SSBP3: variants seen among roughly 807,000 people sequenced by gnomAD.
SSBP3 encodes the protein single-stranded DNA-binding protein 3.
Under a neutral mutation model 69.6 loss-of-function variants are expected in SSBP3, and 5 were observed. The observed-to-expected ratio is 0.07, with a 90% CI of 0.04 to 0.15. SSBP3 has a LOEUF of 0.15. SSBP3 is among the 10% of genes least tolerant of loss of function. SSBP3 has a pLI of 1.00. For missense variants in SSBP3, 312 were observed against 534.0 expected, an observed-to-expected ratio of 0.58 and a Z score of 4.10; for synonymous variants, 196 against 193.4, an observed-to-expected ratio of 1.01 and a Z score of -0.11.
chr1:54,238,218 G>T (rs1447961982), intron 14 of SSBP3: 3 of 471,096 alleles, frequency 6.4e-6, no homozygotes, highest in Non-Finnish European at 8.8e-6. Flanking sequence ...TTAACACGTG[G>T]GGTGATCCGG....
chr1:54,228,909 T>G (rs2100550484), intron 14 of SSBP3, 83 bp from the exon 15 acceptor site: 1 of 1,427,760 alleles, frequency 7.0e-7, no homozygotes, highest in Non-Finnish European at 9.7e-7. Context: ...CAGCCACGCT[T>G]GAGTCCTGGC....
At chr1:54,281,295 G>T in intron 5 of SSBP3, 143 bp downstream of exon 5, 1 of 658,620 alleles carries the variant, frequency 1.5e-6, no homozygotes, top group Non-Finnish European at 2.6e-6. Context: ...GGGATGGGAA[G>T]GGAAGGATTT....
chr1:54,225,804 G>C lies in SSBP3; in HGVS notation c.*1327C>G, dbSNP rs899720990. 3.9e-5 allele frequency: 6 copies of C among 153,504 alleles called. 1 individual carries two copies. Among genetic ancestry groups the C allele is most frequent in the Non-Finnish European group, 7.2e-5 (5 of 69,016 alleles). 9.5% of individuals were successfully genotyped at this position (153,504 alleles called of 1,614,324 possible). A position where few individuals can be genotyped will look rare whatever the true frequency, so the allele number is the denominator to read the frequency against. On this transcript the variant is annotated 3_prime_UTR_variant, in exon 18 of 18. Transcript: ENST00000610401. ...ATGAGCACCCTCCCGGGAGGGGACA[G>C]GCTCCACTGTCGGGCTTGTTGGTTT...
intron 4 of SSBP3, among the ~76,000 whole-genome samples, chr1:54,299,069 C>T (rs890535261): frequency 3.3e-5 from 5 of 151,976 alleles, no homozygotes; most frequent in Non-Finnish European, 7.4e-5. Context: ...ACTGAGGGTT[C>T]GTGCTTGGTT....
At chr1:54,383,645 GTT>G in intron 4 of SSBP3, among the ~76,000 whole-genome samples, 1 of 152,146 alleles carries the variant, frequency 6.6e-6, no homozygotes, top group Non-Finnish European at 1.5e-5. Flanking sequence ...ATTACAGGGT[GTT>G]CAATAATAAA....
intron 4 of SSBP3, among the ~76,000 whole-genome samples, chr1:54,305,986 T>C (rs983812905): frequency 2.0e-5 from 3 of 151,576 alleles, no homozygotes; most frequent in Admixed American, 6.6e-5. Flanking sequence ...ACTACTAACT[T>C]TGAGGGTCCA....
At chr1:54,298,608 T>A (rs1215231079) in intron 4 of SSBP3, among the ~76,000 whole-genome samples, 5 of 152,184 alleles carry the variant, frequency 3.3e-5, no homozygotes, top group African/African-American at 1.2e-4. Flanking sequence ...AGAGCTCTAC[T>A]TCATTCAGAT....
intron 14 of SSBP3, among the ~76,000 whole-genome samples, chr1:54,233,924 A>T (rs1178193464): frequency 6.6e-6 from 1 of 152,242 alleles, no homozygotes; most frequent in Non-Finnish European, 1.5e-5. Context: ...AAAGGTGGGG[A>T]AAAGATTGAG....
chr1:54,233,312 ACCCCGTCTGGGAGGTGAGGAGCG>A (rs1644417416), intron 14 of SSBP3, among the ~76,000 whole-genome samples: 1 of 102,870 alleles, frequency 9.7e-6, no homozygotes, highest in Non-Finnish European at 2.0e-5. Flanking sequence ...CCCGGCCGCG[ACCCCGTCTGGGAGGTGAGGAGCG>A]TCTCTGCCCG....
chr1:54,255,167 G>GT (rs1203581168), intron 7 of SSBP3, among the ~76,000 whole-genome samples: 1 of 140,786 alleles, frequency 7.1e-6, no homozygotes, highest in East Asian at 2.4e-4. Context: ...GCGGGGGGGG[G>GT]GGTGGTTGGC....
chr1:54,251,492 C>T, intron 9 of SSBP3, 124 bp downstream of exon 9: 1 of 1,072,774 alleles, frequency 9.3e-7, no homozygotes, highest in African/African-American at 1.6e-5. Context: ...GGGATGCGGC[C>T]ATGCCCTTCC....
intron 4 of SSBP3, chr1:54,286,924 A>T (rs902330007): frequency 1.3e-5 from 2 of 152,320 alleles, no homozygotes; most frequent in African/African-American, 4.8e-5. Context: ...AAATTCCAGG[A>T]GCAAGTGGAC....
intron 4 of SSBP3, among the ~76,000 whole-genome samples, chr1:54,311,894 C>T (rs1646010039): frequency 1.3e-5 from 2 of 152,174 alleles, no homozygotes; most frequent in Admixed American, 1.3e-4. Flanking sequence ...TGACCATCTA[C>T]AGCAGCCAAG....
At chr1:54,350,022 C>T (rs896318198) in intron 4 of SSBP3, among the ~76,000 whole-genome samples, 1 of 152,158 alleles carries the variant, frequency 6.6e-6, no homozygotes, top group Admixed American at 6.5e-5. Context: ...ACCAGAAATG[C>T]CTCTACCATT....
At chr1:54,242,520 C>T (rs1644657799) in intron 10 of SSBP3, among the ~76,000 whole-genome samples, 1 of 152,224 alleles carries the variant, frequency 6.6e-6, no homozygotes, top group South Asian at 2.1e-4. Flanking sequence ...TTAAAAATCA[C>T]AAATGCACTA....
intron 11 of SSBP3, 122 bp from the exon 12 acceptor site, chr1:54,241,631 C>G: frequency 9.7e-7 from 1 of 1,035,270 alleles, no homozygotes; most frequent in Non-Finnish European, 1.5e-6. Context: ...GAGCTGGCCA[C>G]CCACTTGGTT....
At chr1:54,232,025 C>G (rs1220866066) in intron 14 of SSBP3, among the ~76,000 whole-genome samples, 1 of 152,136 alleles carries the variant, frequency 6.6e-6, no homozygotes, top group Non-Finnish European at 1.5e-5. Context: ...TTGTGTACTG[C>G]TGTAAGGACA....
chr1:54,238,169 G>A (rs1325202948), intron 14 of SSBP3: 2 of 471,082 alleles, frequency 4.2e-6, no homozygotes, highest in South Asian at 1.5e-5. Flanking sequence ...GCTGCTGGAT[G>A]TAGGCAATAT....
At chr1:54,272,485 TTTTAAAA>T (rs1204878790) in intron 5 of SSBP3, among the ~76,000 whole-genome samples, 1 of 139,204 alleles carries the variant, frequency 7.2e-6, no homozygotes, top group Non-Finnish European at 1.5e-5. Flanking sequence ...TTGACCTTTT[TTTTAAAA>T]AAAAAAAAAG....
Sources: allele counts gnomAD v4.1 joint callset (sites outside exome capture counted in the v4.1 genomes callset), GRCh38; gene constraint gnomAD v4.1.1; transcripts MANE v1.5; gene names NCBI Gene and HGNC (gene_info 2026-07-23, HGNC 2026-07-21).